The following CPA6 variants were observed in gnomAD, a reference collection of about 807,000 sequenced individuals.
CPA6 encodes carboxypeptidase A6, also known as carboxypeptidase B.
In CPA6, 58 loss-of-function variants were observed where a neutral mutation model predicts 63.3. The observed-to-expected ratio is 0.92, with a 90% CI of 0.74 to 1.14. The LOEUF is 1.14. Among genes scored for constraint, CPA6 ranks in the 50% most tolerant of loss-of-function variants. CPA6 has a pLI of 0.00. For missense variants in CPA6, 565 were observed against 526.6 expected, an observed-to-expected ratio of 1.07 and a Z score of -0.71; for synonymous variants, 185 against 179.0, an observed-to-expected ratio of 1.03 and a Z score of -0.27.
chr8:67,600,992 T>G (rs1814482310), intron 2 of CPA6, among the ~76,000 whole-genome samples: 1 of 152,216 alleles, frequency 6.6e-6, no homozygotes, highest in African/African-American at 2.4e-5. Flanking sequence ...TGGGCATATG[T>G]GTACATGCAT....
chr8:67,733,196 CAAAAAA>C (rs1211323183), intron 1 of CPA6, among the ~76,000 whole-genome samples: 1 of 14,896 alleles, frequency 6.7e-5, no homozygotes, highest in Non-Finnish European at 1.4e-4. Flanking sequence ...GACTCCATCT[CAAAAAA>C]AAAAAAAAAA....
At chr8:67,556,928 G>A (rs759912144) in intron 2 of CPA6, among the ~76,000 whole-genome samples, 1 of 152,202 alleles carries the variant, frequency 6.6e-6, no homozygotes, top group African/African-American at 2.4e-5. Context: ...GCCTGAGGCC[G>A]AGCTTCACTG....
rs1815729508 is a variant in CPA6, at chr8:67,647,105, C to T, written c.117-22854G>A. On this transcript the variant is annotated intron_variant, in intron 1 of 10. Transcript: ENST00000297770. ...ACAGCCTAGGAGGAAAATGGCTTAT[C>T]TAAAGAAGTAAAAGAGAAGGCAAGA... is the stretch of plus-strand genomic sequence containing the variant. Among the ~76,000 whole-genome samples the T allele has an allele frequency of 3.3e-5, 5 of 151,894 alleles. No individual in the cohort carries two copies. The South Asian group carries it at 1.0e-3, about 32-fold the overall frequency.
At chr8:67,543,462 C>T (rs1407732766) in intron 2 of CPA6, among the ~76,000 whole-genome samples, 4 of 152,138 alleles carry the variant, frequency 2.6e-5, no homozygotes, top group African/African-American at 9.7e-5. Context: ...ACATACTGCT[C>T]AATTTCTGTT....
chr8:67,739,436 C>T (rs1451091357), intron 1 of CPA6, among the ~76,000 whole-genome samples: 1 of 152,184 alleles, frequency 6.6e-6, no homozygotes, highest in Non-Finnish European at 1.5e-5. Flanking sequence ...AGAACTATTC[C>T]ATTAACTACA....
intron 1 of CPA6, among the ~76,000 whole-genome samples, chr8:67,733,755 G>A (rs1168070073): frequency 6.6e-6 from 1 of 151,906 alleles, no homozygotes; most frequent in Non-Finnish European, 1.5e-5. Context: ...TTGGAAAGGA[G>A]TGGGGGGCGG....
chr8:67,711,044 T>C (rs1817249961), intron 1 of CPA6, among the ~76,000 whole-genome samples: 1 of 152,148 alleles, frequency 6.6e-6, no homozygotes, highest in African/African-American at 2.4e-5. Context: ...AGGTCCAAAG[T>C]GCCTGGTTTG....
At chr8:67,685,684 C>T (rs62511394) in intron 1 of CPA6, among the ~76,000 whole-genome samples, 36,267 of 152,108 alleles carry the variant, frequency 0.24, 4,491 homozygotes, top group South Asian at 0.35. Context: ...AACAGCTCAT[C>T]GTGCCTGTAA....
At chr8:67,548,366 C>T (rs965193729) in intron 2 of CPA6, among the ~76,000 whole-genome samples, 2 of 151,776 alleles carry the variant, frequency 1.3e-5, no homozygotes, top group African/African-American at 4.8e-5. Flanking sequence ...CCTCTCCTGC[C>T]TCAGCCTCCT....
chr8:67,703,500 T>A (rs568350582), intron 1 of CPA6, among the ~76,000 whole-genome samples: 1 of 152,366 alleles, frequency 6.6e-6, no homozygotes, highest in East Asian at 1.9e-4. Flanking sequence ...TATTCTGAAA[T>A]GGCCTTGTGC....
intron 3 of CPA6, among the ~76,000 whole-genome samples, chr8:67,516,044 T>C (rs1812138482): frequency 6.6e-6 from 1 of 152,208 alleles, no homozygotes; most frequent in Non-Finnish European, 1.5e-5. Flanking sequence ...ATTATTTCAC[T>C]GAGGACCTCA....
At chr8:67,484,326 C>T (rs1227299074) in intron 7 of CPA6, among the ~76,000 whole-genome samples, 1 of 152,184 alleles carries the variant, frequency 6.6e-6, no homozygotes, top group Admixed American at 6.5e-5. Context: ...CCTGTCTCGG[C>T]TTCCCAAAGT....
intron 2 of CPA6, among the ~76,000 whole-genome samples, chr8:67,619,929 C>T (rs1364379047): frequency 6.6e-6 from 1 of 152,198 alleles, no homozygotes; most frequent in East Asian, 1.9e-4. Context: ...AACCATTTAT[C>T]TGCTGCAACT....
At chr8:67,516,860 G>T (rs916458247) in intron 3 of CPA6, among the ~76,000 whole-genome samples, 1 of 151,992 alleles carries the variant, frequency 6.6e-6, no homozygotes, top group African/African-American at 2.4e-5. Flanking sequence ...GCAGTGGCGC[G>T]ATCTCAGCTC....
At chr8:67,639,110 C>T (rs1009765273) in intron 1 of CPA6, among the ~76,000 whole-genome samples, 10 of 151,558 alleles carry the variant, frequency 6.6e-5, no homozygotes, top group East Asian at 1.9e-4. Context: ...TAGAGCCTAC[C>T]GCTGTTGAAA....
chr8:67,533,491 T>G (rs1052233979), intron 2 of CPA6, among the ~76,000 whole-genome samples: 7 of 152,214 alleles, frequency 4.6e-5, no homozygotes, highest in Admixed American at 4.6e-4. Flanking sequence ...TGAGTGAATT[T>G]CTAAATGAAT....
chr8:67,562,829 T>C (rs960101800), intron 2 of CPA6, among the ~76,000 whole-genome samples: 3 of 152,220 alleles, frequency 2.0e-5, no homozygotes, highest in Non-Finnish European at 4.4e-5. Flanking sequence ...AATCCAGAAT[T>C]GTGAGAAATT....
intron 8 of CPA6, among the ~76,000 whole-genome samples, chr8:67,475,893 T>TCTC (rs1305511412): frequency 9.3e-4 from 69 of 74,396 alleles, no homozygotes; most frequent in Admixed American, 1.8e-3. Flanking sequence ...TTTCTTTCTT[T>TCTC]CTTTCTTTCT....
rs1563387412 is a variant in CPA6, at chr8:67,673,393, T to TATTTA, written c.117-49143_117-49142insTAAAT. Among the ~76,000 whole-genome samples the TATTTA allele has an allele frequency of 4.9e-3, 700 of 142,412 alleles. 4 individuals are homozygous for TATTTA. The highest frequency in any genetic ancestry group is 0.018 in the African/African-American group (664 of 37,236). 93.4% of individuals were successfully genotyped at this position (142,412 alleles called of 152,430 possible). A position where few individuals can be genotyped will look rare whatever the true frequency, so the allele number is the denominator to read the frequency against. ...ATTATTATTATTATTTATTTATTTT[T>TATTTA]TTTTTTTTGAGACTGAATCTCGCTC... On this transcript the variant is annotated intron_variant, in intron 1 of 10. Transcript: ENST00000297770.
Sources: allele counts gnomAD v4.1 joint callset (sites outside exome capture counted in the v4.1 genomes callset), GRCh38; gene constraint gnomAD v4.1.1; transcripts MANE v1.5; gene names NCBI Gene and HGNC (gene_info 2026-07-23, HGNC 2026-07-21).